The following CEP72 variants were observed in gnomAD, a reference collection of about 807,000 sequenced individuals.
CEP72 encodes the protein centrosomal protein 72.
CEP72 carries 78 observed loss-of-function variants against 65.7 expected under a neutral mutation model. That is an observed-to-expected ratio of 1.19 (90% CI 0.99 to 1.43). CEP72 has a LOEUF of 1.43. CEP72 is among the 40% of genes most tolerant of loss of function. CEP72 has a pLI of 0.00. For missense variants in CEP72, 914 were observed against 832.9 expected, an observed-to-expected ratio of 1.10 and a Z score of -1.20; for synonymous variants, 358 against 351.7, an observed-to-expected ratio of 1.02 and a Z score of -0.20.
chr5:670,483 C>T (rs532564710), downstream of CEP72, among the ~76,000 whole-genome samples: 1 of 152,110 alleles, frequency 6.6e-6, no homozygotes, highest in Non-Finnish European at 1.5e-5. Context: ...TCCCCCAGGG[C>T]ACCAACCTCT....
chr5:671,687 G>A (rs753575823), downstream of CEP72, among the ~76,000 whole-genome samples: 65 of 152,338 alleles, frequency 4.3e-4, no homozygotes, highest in Non-Finnish European at 5.6e-4. Flanking sequence ...AGCCACAGAC[G>A]TCCATGGCCA....
chr5:629,358 G>C (rs1425008327), intron 4 of CEP72, among the ~76,000 whole-genome samples: 1 of 152,286 alleles, frequency 6.6e-6, no homozygotes, highest in Non-Finnish European at 1.5e-5. Context: ...TAGCAGAACA[G>C]AATCTTCCAG....
intron 11 of CEP72, among the ~76,000 whole-genome samples, chr5:651,033 G>T (rs923147126): frequency 7.7e-4 from 64 of 82,798 alleles, no homozygotes; most frequent in Admixed American, 2.3e-3. Flanking sequence ...TGTGAGGCGT[G>T]GACTGTGAGG....
intron 4 of CEP72, among the ~76,000 whole-genome samples, chr5:629,260 CCT>C (rs1737044006): frequency 6.6e-6 from 1 of 152,260 alleles, no homozygotes; most frequent in African/African-American, 2.4e-5. Flanking sequence ...AAACATTCTC[CCT>C]GAATGTGAAA....
At chr5:655,463 A>G (rs1004738898), downstream of CEP72, 1 of 152,162 alleles carries the variant, frequency 6.6e-6, no homozygotes, top group Non-Finnish European at 1.5e-5. This position sits in a 1 kb window ranked among gnomAD's most constrained non-coding sequence, Gnocchi z 5.0. Flanking sequence ...CAGGTTTACT[A>G]GAAATTCCCA....
chr5:644,248 C>G (rs748184589), intron 9 of CEP72, 51 bp from the exon 10 acceptor site: 2 of 1,594,268 alleles, frequency 1.3e-6, no homozygotes, highest in Non-Finnish European at 1.7e-6. Flanking sequence ...TTTCTATACG[C>G]ATTTTACTGA....
At chr5:619,946 A>C in intron 2 of CEP72, 123 bp from the exon 3 acceptor site, 1 of 721,808 alleles carries the variant, frequency 1.4e-6, no homozygotes, top group Non-Finnish European at 2.2e-6. Flanking sequence ...TTTTCCTGGT[A>C]ATGACATGGA....
intron 4 of CEP72, among the ~76,000 whole-genome samples, chr5:627,023 A>G (rs1736799943): frequency 6.6e-6 from 1 of 152,220 alleles, no homozygotes; most frequent in Non-Finnish European, 1.5e-5. Context: ...GATCATGCTG[A>G]CCGCATAGAA....
chr5:667,856 CGT>C (rs1739990908), downstream of CEP72, among the ~76,000 whole-genome samples: 5 of 127,382 alleles, frequency 3.9e-5, no homozygotes, highest in East Asian at 2.4e-4. Context: ...GCGTGGGCGC[CGT>C]CAGGGAAGTA....
At chr5:619,402 C>T (rs1254582975) in intron 2 of CEP72, among the ~76,000 whole-genome samples, 1 of 152,178 alleles carries the variant, frequency 6.6e-6, no homozygotes, top group Non-Finnish European at 1.5e-5. Flanking sequence ...CTCCTGGGCT[C>T]CTGGCAGGGT....
Position 653,269 on chromosome 5 carries a change from ATTAT to A in CEP72, c.*120_*123del. On this transcript the variant is annotated 3_prime_UTR_variant, in exon 12 of 12. Coordinates refer to ENST00000264935, the MANE Select transcript of CEP72 (RefSeq NM_018140.4). ...GCAAGAGTTCTCTCTTCTGTTGGTA[ATTAT>A]TTAGGATTTTTGGAATGTATTCAGG... The A allele has an allele frequency of 4.6e-6, 5 of 1,077,136 alleles. No individual in the cohort carries two copies. The highest frequency in any genetic ancestry group is 6.3e-6 in the Non-Finnish European group (5 of 791,864). 66.7% of individuals were successfully genotyped at this position (1,077,136 alleles called of 1,614,324 possible). A position where few individuals can be genotyped will look rare whatever the true frequency, so the allele number is the denominator to read the frequency against.
intron 11 of CEP72, among the ~76,000 whole-genome samples, chr5:648,694 G>A (rs1184435437): frequency 7.4e-6 from 1 of 135,458 alleles, no homozygotes; most frequent in Non-Finnish European, 1.6e-5. Context: ...GTGACTGTGA[G>A]GCGTGAATGT....
chr5:628,448 G>A (rs9686882), intron 4 of CEP72, among the ~76,000 whole-genome samples: 2 of 81,508 alleles, frequency 2.5e-5, no homozygotes, highest in South Asian at 7.1e-4. Flanking sequence ...AGGACCCAGC[G>A]CCCTTCTTTG....
At chr5:619,679 A>G (rs1736251774) in intron 2 of CEP72, among the ~76,000 whole-genome samples, 1 of 152,184 alleles carries the variant, frequency 6.6e-6, no homozygotes, top group African/African-American at 2.4e-5. Flanking sequence ...CCCAGGCTAC[A>G]CCCAGTGCTG....
rs369797124 is a variant in CEP72, at chr5:637,723, G to C, written c.1111G>C (p.Asp371His). Residue 371 changes from aspartate (D) to histidine (H), a missense_variant, in exon 7 of 12, where the codon GAC becomes CAC. Coordinates refer to ENST00000264935, the MANE Select transcript of CEP72 (RefSeq NM_018140.4). ...SVPKESLSRQ[D>H]SSESRNGRTL... ...GCCCAAGGAGAGCCTGAGCAGACAG[G>C]ACAGCTCAGAAAGCAGGAACGGGAG... is the stretch of plus-strand genomic sequence containing the variant. The C allele has an allele frequency of 4.3e-6, 7 of 1,613,582 alleles. No individual in the cohort carries two copies. The highest frequency in any genetic ancestry group is 2.2e-5 in the South Asian group (2 of 91,064).
intron 1 of CEP72, among the ~76,000 whole-genome samples, chr5:612,787 T>G (rs932336307): frequency 3.3e-5 from 5 of 152,218 alleles, no homozygotes; most frequent in Non-Finnish European, 7.4e-5. Flanking sequence ...CCTCCCTGGT[T>G]CTCCTGGGCC....
intron 11 of CEP72, among the ~76,000 whole-genome samples, chr5:648,900 A>T (rs1428135574): frequency 9.0e-6 from 1 of 111,328 alleles, no homozygotes; most frequent in East Asian, 3.0e-4. Flanking sequence ...TGAGGCGTGG[A>T]CTGTGAGGGG....
chr5:652,850 G>C (rs1229775838), intron 11 of CEP72, 138 bp from the exon 12 acceptor site: 6 of 928,692 alleles, frequency 6.5e-6, no homozygotes, highest in Non-Finnish European at 9.3e-6. Flanking sequence ...GAAGGTGATG[G>C]GGCCACAGAG....
At chr5:666,355 A>G (rs1177006772) in intron 4 of CEP72, among the ~76,000 whole-genome samples, 1 of 152,208 alleles carries the variant, frequency 6.6e-6, no homozygotes, top group Non-Finnish European at 1.5e-5. Context: ...GCTCTGACAC[A>G]GGGTGTGTGC....
Sources: gnomAD v4.1 joint callset for allele counts (sites outside exome capture counted in the v4.1 genomes callset) on GRCh38, gnomAD v4.1.1 for gene constraint, Gnocchi (gnomAD v3.1) non-coding constraint, MANE v1.5 for transcripts, NCBI Gene and HGNC (gene_info 2026-07-23, HGNC 2026-07-21) for gene names.